Variants in RAP1GAP2 observed in about 807,000 individuals in gnomAD.
RAP1GAP2 encodes the protein RAP1 GTPase activating protein 2, also known as rap1 GTPase-activating protein 2.
In RAP1GAP2, 27 loss-of-function variants were observed where a neutral mutation model predicts 95.0. The ratio of observed to expected loss-of-function variants is 0.28; its 90% confidence interval spans 0.21 to 0.39. The LOEUF is 0.39. RAP1GAP2 is among the 10% of genes least tolerant of loss of function. The probability of loss-of-function intolerance (pLI) is 1.00; values close to 1 mark genes in which losing one functional copy is unlikely to be tolerated. For synonymous variants in RAP1GAP2, 373 were observed against 380.9 expected (o/e 0.98, Z 0.24); for missense variants, 771 against 970.0 (o/e 0.79, Z 2.72).
At chr17:2,883,920 T>C (rs1320623730) in intron 2 of RAP1GAP2, among the ~76,000 whole-genome samples, 1 of 152,246 alleles carries the variant, frequency 6.6e-6, no homozygotes, top group Non-Finnish European at 1.5e-5. Flanking sequence ...CCTAGGACTT[T>C]AGCCAACCTT....
chr17:2,849,398 C>T (rs999406258), intron 2 of RAP1GAP2, among the ~76,000 whole-genome samples: 2 of 152,162 alleles, frequency 1.3e-5, no homozygotes, highest in Non-Finnish European at 2.9e-5. Flanking sequence ...GGCTCTCTGA[C>T]GAGGGGCACG....
chr17:2,916,266 C>T (rs1388789126), intron 3 of RAP1GAP2, among the ~76,000 whole-genome samples: 2 of 152,120 alleles, frequency 1.3e-5, no homozygotes, highest in African/African-American at 2.4e-5. Context: ...AAATACGTGC[C>T]ATCCGTGCCG....
At chr17:2,960,123 CAAAAA>C (rs71153316) in intron 4 of RAP1GAP2, among the ~76,000 whole-genome samples, 1 of 81,010 alleles carries the variant, frequency 1.2e-5, no homozygotes, top group Admixed American at 1.4e-4. Context: ...GACTCCATCT[CAAAAA>C]AAAAAAAAAA....
At chr17:3,010,363 AAAGTT>A (rs1286250955) in intron 17 of RAP1GAP2, among the ~76,000 whole-genome samples, 1 of 151,756 alleles carries the variant, frequency 6.6e-6, no homozygotes, top group Non-Finnish European at 1.5e-5. Flanking sequence ...AAAAAAAAGA[AAAGTT>A]GAGCTGCAGT....
chr17:2,807,809 C>T (rs942420913), intron 2 of RAP1GAP2, among the ~76,000 whole-genome samples: 3 of 152,074 alleles, frequency 2.0e-5, no homozygotes, highest in Non-Finnish European at 2.9e-5. Context: ...GATCAAAGGG[C>T]TTAGGACTAG....
chr17:3,018,511 G>T (rs1473132034), intron 18 of RAP1GAP2, among the ~76,000 whole-genome samples: 8 of 152,154 alleles, frequency 5.3e-5, no homozygotes, highest in African/African-American at 9.7e-5. Context: ...TGGTCCTGGG[G>T]TGTGTTTTGC....
At chr17:2,905,209 G>A (rs2042161124) in intron 2 of RAP1GAP2, 75 bp from the exon 3 acceptor site, 1 of 1,390,140 alleles carries the variant, frequency 7.2e-7, no homozygotes, top group Non-Finnish European at 1.0e-6. Context: ...CTGTGTCCGA[G>A]AGCCCAGTCA....
intron 1 of RAP1GAP2, among the ~76,000 whole-genome samples, chr17:2,799,755 G>T (rs1054080968): frequency 5.3e-5 from 8 of 152,196 alleles, no homozygotes; most frequent in Non-Finnish European, 1.0e-4. Context: ...TGGGAACACT[G>T]TCCACCTTTC....
chr17:2,909,450 G>A lies in RAP1GAP2; in HGVS notation c.165+4082G>A, dbSNP rs540482654. On this transcript the variant is annotated intron_variant, in intron 3 of 24. Transcript: ENST00000254695. ...CAGAGGGTGTAGACGGTACTTGTGA[G>A]GTGGGGAGCCTGGAGTGTGAGGAAA... 3.9e-5 allele frequency among the ~76,000 whole-genome samples: 6 copies of A among 152,308 alleles called. No homozygotes were observed. The East Asian group carries it at 1.2e-3, about 29-fold the overall frequency.
At chr17:2,803,044 G>A (rs2069368444) in intron 2 of RAP1GAP2, among the ~76,000 whole-genome samples, 1 of 152,236 alleles carries the variant, frequency 6.6e-6, no homozygotes, top group Non-Finnish European at 1.5e-5. Context: ...AAGGGGTGTA[G>A]AGTGGTCAGA....
intron 1 of RAP1GAP2, among the ~76,000 whole-genome samples, chr17:2,761,050 G>T (rs763009978): frequency 6.6e-6 from 1 of 151,516 alleles, no homozygotes; most frequent in African/African-American, 2.4e-5. Context: ...CGCCTCCGGG[G>T]TTCAAGCGAT....
rs557278126 is a variant in RAP1GAP2, at chr17:2,787,202, A to G, written c.-14+9924A>G. ...CTGACCTCAAGTGATCCACCCCACC[A>G]TGGCCTCCAAAGTGCTGGGATTACA... On this transcript the variant is annotated intron_variant, in intron 1 of 24. Coordinates refer to the RAP1GAP2 transcript ENST00000540393. Among the ~76,000 whole-genome samples, 8 of 142,944 alleles carry G rather than the reference A, an allele frequency of 5.6e-5. No individual in the cohort carries two copies. In the East Asian group the frequency reaches 1.5e-3, roughly 27 times the overall value. The allele number at this position is 142,944 out of a possible 152,430, so 93.8% of individuals were successfully genotyped here. A position where few individuals can be genotyped will look rare whatever the true frequency, so the allele number is the denominator to read the frequency against.
At chr17:2,983,529 T>C (rs1469250189) in intron 10 of RAP1GAP2, among the ~76,000 whole-genome samples, 2 of 152,250 alleles carry the variant, frequency 1.3e-5, no homozygotes, top group African/African-American at 2.4e-5. Flanking sequence ...AATTACTTCA[T>C]TGAAGTTAAA....
At chr17:2,992,702 G>C (rs950941295) in intron 12 of RAP1GAP2, among the ~76,000 whole-genome samples, 1 of 152,072 alleles carries the variant, frequency 6.6e-6, no homozygotes, top group Non-Finnish European at 1.5e-5. Context: ...GGCACACAGC[G>C]GATATTCACT....
At chr17:2,986,895 C>T (rs1042023432) in intron 11 of RAP1GAP2, among the ~76,000 whole-genome samples, 5 of 152,228 alleles carry the variant, frequency 3.3e-5, no homozygotes, top group African/African-American at 9.6e-5. Flanking sequence ...TGCTCTTCCA[C>T]AGTCTGGCCT....
At chr17:2,974,699 T>C (rs189916469) in intron 8 of RAP1GAP2, among the ~76,000 whole-genome samples, 1 of 152,190 alleles carries the variant, frequency 6.6e-6, no homozygotes, top group East Asian at 1.9e-4. Context: ...AAAAGCATAC[T>C]CTGTTGTTGC....
Position 2,963,325 on chromosome 17 carries a change from C to T in RAP1GAP2, c.247-105C>T. 7.5e-7 allele frequency: 1 copy of T among 1,329,400 alleles called. No homozygotes were observed. Among genetic ancestry groups the T allele is most frequent in the East Asian group, 2.3e-5 (1 of 43,504 alleles). The allele number at this position is 1,329,400 out of a possible 1,614,324, so 82.4% of individuals were successfully genotyped here. On this transcript the variant is annotated intron_variant, in intron 5 of 24. Transcript: ENST00000254695. This position sits in a 1 kb window ranked among gnomAD's most constrained non-coding sequence, Gnocchi z 4.8. The stretch of plus-strand genomic sequence containing the variant: ...GTTCTTCCATCGAATGTTCCTCCCT[C>T]AAAGCCCCCCCACAACATATCCCCC...
At chr17:2,946,868 C>T (rs2043715918) in intron 3 of RAP1GAP2, among the ~76,000 whole-genome samples, 1 of 152,212 alleles carries the variant, frequency 6.6e-6, no homozygotes, top group Non-Finnish European at 1.5e-5. Flanking sequence ...GAATCTCCTG[C>T]CTCAGCCTCC....
intron 2 of RAP1GAP2, among the ~76,000 whole-genome samples, chr17:2,771,222 G>C (rs904841610): frequency 6.6e-6 from 1 of 152,076 alleles, no homozygotes; most frequent in Non-Finnish European, 1.5e-5. Flanking sequence ...TGCCTTCTTT[G>C]TCCGCCTCCT....
Sources: allele counts gnomAD v4.1 joint callset (sites outside exome capture counted in the v4.1 genomes callset), GRCh38; gene constraint gnomAD v4.1.1; non-coding constraint Gnocchi (gnomAD v3.1); transcripts MANE v1.5; gene names NCBI Gene and HGNC (gene_info 2026-07-23, HGNC 2026-07-21).